Variants in ANTXR1 observed in about 807,000 individuals in gnomAD.
The protein encoded by ANTXR1 is anthrax toxin receptor 1.
Under a neutral mutation model 78.1 loss-of-function variants are expected in ANTXR1, and 19 were observed. The ratio of observed to expected loss-of-function variants is 0.24; its 90% CI spans 0.17 to 0.36. The LOEUF (loss-of-function observed/expected upper bound fraction) is 0.36, where lower values mean the gene tolerates loss of function less well. ANTXR1 is among the 10% of genes least tolerant of loss of function. The pLI is 1.00. For synonymous variants in ANTXR1, 273 were observed against 260.5 expected (o/e 1.05, Z -0.46); for missense variants, 518 against 718.6 (o/e 0.72, Z 3.19).
intron 12 of ANTXR1, chr2:69,145,219 A>T: frequency 8.5e-7 from 1 of 1,170,450 alleles, no homozygotes; most frequent in Non-Finnish European, 1.2e-6. Flanking sequence ...TGATTCGCTT[A>T]AACTTTAGGG....
intron 11 of ANTXR1, among the ~76,000 whole-genome samples, chr2:69,123,515 A>G (rs1672423170): frequency 6.6e-6 from 1 of 152,166 alleles, no homozygotes; most frequent in African/African-American, 2.4e-5. Flanking sequence ...TCCTTAGAGA[A>G]AGGGAGGCTC....
At chr2:69,044,955 G>C in intron 3 of ANTXR1, 142 bp downstream of exon 3, 7 of 787,186 alleles carry the variant, frequency 8.9e-6, no homozygotes, top group Non-Finnish European at 1.5e-5. Flanking sequence ...TTAACCTTAC[G>C]TATGGGCACA....
chr2:69,189,939 C>T (rs538753930), intron 16 of ANTXR1, among the ~76,000 whole-genome samples: 53 of 152,074 alleles, frequency 3.5e-4, no homozygotes, highest in Admixed American at 3.3e-3. Context: ...AAATAGATAC[C>T]CAGATCTGGA....
chr2:69,059,308 T>C (rs1292406618), intron 3 of ANTXR1, among the ~76,000 whole-genome samples: 5 of 152,302 alleles, frequency 3.3e-5, no homozygotes, highest in African/African-American at 1.2e-4. Context: ...CATTGTTGTC[T>C]TATTTTTAAA....
At chr2:69,037,495 G>C (rs1424407046) in intron 1 of ANTXR1, among the ~76,000 whole-genome samples, 1 of 152,178 alleles carries the variant, frequency 6.6e-6, no homozygotes, top group East Asian at 1.9e-4. Flanking sequence ...TTGAGATGGA[G>C]TTTCCCTCTT....
Position 69,245,236 on chromosome 2 carries a change from C to CA in ANTXR1, c.1448dup (p.Asn483LysfsTer100), listed in dbSNP as rs758018188. On this transcript the variant is annotated frameshift_variant, in exon 18 of 18. Coordinates refer to ENST00000303714, the MANE Select transcript of ANTXR1 (RefSeq NM_032208.3). LOFTEE classifies it high-confidence loss of function. ...CAATTCTTTTCTAGGGGCGCTGCAT[C>CA]AACTTCACCAGGGTCAAGAACAACC... 1 of 1,614,014 alleles carries CA rather than the reference C, an allele frequency of 6.2e-7. No homozygotes were observed. Among genetic ancestry groups the CA allele is most frequent in the Non-Finnish European group, 8.5e-7 (1 of 1,180,004 alleles).
intron 3 of ANTXR1, among the ~76,000 whole-genome samples, chr2:69,062,884 G>T (rs943660839): frequency 6.6e-6 from 1 of 151,916 alleles, no homozygotes; most frequent in African/African-American, 2.4e-5. Flanking sequence ...ATTAAAAAAA[G>T]AAAACTCAAA....
chr2:69,075,566 A>G, intron 6 of ANTXR1, 24 bp from the exon 7 acceptor site: 1 of 1,611,568 alleles, frequency 6.2e-7, no homozygotes, highest in Non-Finnish European at 8.5e-7. Context: ...TCTCTTTCTA[A>G]TGTCCTTTCT....
intron 8 of ANTXR1, among the ~76,000 whole-genome samples, chr2:69,085,862 G>A (rs528078741): frequency 6.6e-6 from 1 of 152,342 alleles, no homozygotes. Context: ...GACAGAGAGA[G>A]CAAGGCTAAC....
rs1267835972 is a variant in ANTXR1, at chr2:69,246,859, T to C, written c.*1374T>C. ...GCATCAGCCTATTCAAAATTATCTC[T>C]CTCTCTAGCTTTCCACAAATCCTAA... is the stretch of plus-strand genomic sequence containing the variant. On this transcript the variant is annotated 3_prime_UTR_variant, in exon 18 of 18. Coordinates refer to ENST00000303714, the MANE Select transcript of ANTXR1 (RefSeq NM_032208.3). The C allele has an allele frequency of 6.6e-6, 1 of 152,166 alleles. No individual in the cohort carries two copies. The highest frequency in any genetic ancestry group is 2.4e-5 in the African/African-American group (1 of 41,434). 9.4% of individuals were successfully genotyped at this position (152,166 alleles called of 1,614,324 possible). A position where few individuals can be genotyped will look rare whatever the true frequency, so the allele number is the denominator to read the frequency against.
intron 4 of ANTXR1, among the ~76,000 whole-genome samples, chr2:69,071,228 C>T (rs1228836574): frequency 6.6e-6 from 1 of 152,194 alleles, no homozygotes; most frequent in Non-Finnish European, 1.5e-5. Flanking sequence ...AACAAAATGC[C>T]TTGTTAGCCA....
chr2:69,248,435 C>T lies in ANTXR1; in HGVS notation c.*2950C>T, dbSNP rs2104540106. The T allele has an allele frequency of 6.5e-6, 1 of 153,972 alleles. No homozygotes were observed. Among genetic ancestry groups the T allele is most frequent in the South Asian group, 2.1e-4 (1 of 4,812 alleles). The allele number at this position is 153,972 out of a possible 1,614,324, so 9.5% of individuals were successfully genotyped here. A position where few individuals can be genotyped will look rare whatever the true frequency, so the allele number is the denominator to read the frequency against. On this transcript the variant is annotated 3_prime_UTR_variant, in exon 18 of 18. Coordinates refer to ENST00000303714, the MANE Select transcript of ANTXR1 (RefSeq NM_032208.3). ...CAAATAGTTACTGAAATGACGAGAC[C>T]CTTGTTTGCACAGCATTAATAAGAA...
At position 69,170,294 on chromosome 2, in the gene ANTXR1, G is replaced by A. The variant is rs996889979; in HGVS notation, c.1089+5G>A. The A allele has an allele frequency of 6.2e-7, 1 of 1,613,962 alleles. No homozygotes were observed. The highest frequency in any genetic ancestry group is 1.3e-5 in the African/African-American group (1 of 74,944). Reference sequence around the variant, plus strand: ...CCCCCTGCCGAGGAGAGTGAGGTAAGTGACCACAGCAGGATGGCAGTGGGT... The same window carrying A: ...CCCCCTGCCGAGGAGAGTGAGGTAAATGACCACAGCAGGATGGCAGTGGGT... On this transcript the variant is annotated splice_donor_5th_base_variant and intron_variant, in intron 14 of 17. Coordinates refer to ENST00000303714, the MANE Select transcript of ANTXR1 (RefSeq NM_032208.3).
chr2:69,091,943 C>T (rs1381480458), intron 9 of ANTXR1, among the ~76,000 whole-genome samples: 1 of 152,164 alleles, frequency 6.6e-6, no homozygotes, highest in African/African-American at 2.4e-5. Context: ...TGACAGGTTC[C>T]CCATCACTCT....
At chr2:69,106,126 A>G (rs1671803394) in intron 10 of ANTXR1, among the ~76,000 whole-genome samples, 1 of 152,246 alleles carries the variant, frequency 6.6e-6, no homozygotes, top group African/African-American at 2.4e-5. Flanking sequence ...TGATCATGCT[A>G]AGACATGGAT....
chr2:69,035,058 C>G (rs1671640809), intron 1 of ANTXR1, among the ~76,000 whole-genome samples: 1 of 152,052 alleles, frequency 6.6e-6, no homozygotes, highest in Non-Finnish European at 1.5e-5. Context: ...ACCAGAAGAT[C>G]AGTTACAAGG....
intron 8 of ANTXR1, among the ~76,000 whole-genome samples, chr2:69,083,603 A>G (rs1670959969): frequency 6.6e-6 from 1 of 152,176 alleles, no homozygotes; most frequent in South Asian, 2.1e-4. Context: ...CCTATGTGTC[A>G]TATTTCCCAT....
At chr2:69,140,679 T>C (rs1673046337) in intron 12 of ANTXR1, among the ~76,000 whole-genome samples, 1 of 152,234 alleles carries the variant, frequency 6.6e-6, no homozygotes, top group African/African-American at 2.4e-5. Context: ...TGTTTCAGAA[T>C]TGCTTTGGGC....
At chr2:69,167,135 C>G (rs763371546) in intron 13 of ANTXR1, among the ~76,000 whole-genome samples, 6 of 152,134 alleles carry the variant, frequency 3.9e-5, no homozygotes, top group Non-Finnish European at 7.4e-5. Context: ...GCCCAGGAGA[C>G]TGGAGTGCAG....
Sources: gnomAD v4.1 joint callset for allele counts (sites outside exome capture counted in the v4.1 genomes callset) on GRCh38, gnomAD v4.1.1 for gene constraint, MANE v1.5 for transcripts, NCBI Gene and HGNC (gene_info 2026-07-23, HGNC 2026-07-21) for gene names.